The following TRDN variants were observed in gnomAD, a reference collection of about 807,000 sequenced individuals.
TRDN encodes the protein triadin in skeletal muscle.
Under a neutral mutation model 149.7 loss-of-function variants are expected in TRDN, and 161 were observed. The ratio of observed to expected loss-of-function variants is 1.08; its 90% CI spans 0.95 to 1.23. The LOEUF is 1.23. Among genes scored for constraint, TRDN ranks in the 50% most tolerant of loss-of-function variants. TRDN has a pLI of 0.00. For missense variants in TRDN, 896 were observed against 823.5 expected, an observed-to-expected ratio of 1.09 and a Z score of -1.08; for synonymous variants, 294 against 250.5, an observed-to-expected ratio of 1.17 and a Z score of -1.64.
chr6:123,573,394 T>C (rs1156693436), intron 1 of TRDN, among the ~76,000 whole-genome samples: 2 of 152,022 alleles, frequency 1.3e-5, no homozygotes, highest in African/African-American at 2.4e-5. Context: ...ATCACCACTA[T>C]TTTCATTTAT....
chr6:123,254,448 TTG>T (rs1776481755), intron 37 of TRDN, among the ~76,000 whole-genome samples: 2 of 152,008 alleles, frequency 1.3e-5, no homozygotes, highest in Admixed American at 6.6e-5. Context: ...ATGAAAATAG[TTG>T]TCTTAGTTAT....
intron 9 of TRDN, among the ~76,000 whole-genome samples, chr6:123,490,555 C>T (rs752009618): frequency 5.9e-5 from 9 of 152,158 alleles, no homozygotes; most frequent in Non-Finnish European, 1.2e-4. Context: ...GAGGACACGA[C>T]TGTATTCTCA....
At chr6:123,511,930 C>G (rs984821739) in intron 7 of TRDN, among the ~76,000 whole-genome samples, 2 of 152,074 alleles carry the variant, frequency 1.3e-5, no homozygotes, top group African/African-American at 4.8e-5. Context: ...TTACATTGAG[C>G]CCACCTGGAT....
chr6:123,550,808 C>T (rs1247305757), intron 2 of TRDN, among the ~76,000 whole-genome samples: 5 of 151,926 alleles, frequency 3.3e-5, no homozygotes, highest in Non-Finnish European at 5.9e-5. Flanking sequence ...AGCCTGTCTC[C>T]ATGATTCATT....
At chr6:123,220,700 G>A (rs975530335) in intron 40 of TRDN, among the ~76,000 whole-genome samples, 6 of 151,684 alleles carry the variant, frequency 4.0e-5, no homozygotes, top group African/African-American at 1.5e-4. Context: ...ATTGTAAGGG[G>A]CACTTTAGTA....
chr6:123,334,946 C>T (rs1468673333), intron 22 of TRDN, among the ~76,000 whole-genome samples: 1 of 151,916 alleles, frequency 6.6e-6, no homozygotes, highest in South Asian at 2.1e-4. Flanking sequence ...TAGGTAATCT[C>T]TTAGTGGTTT....
At chr6:123,577,728 A>G (rs543508615) in intron 1 of TRDN, among the ~76,000 whole-genome samples, 28 of 152,290 alleles carry the variant, frequency 1.8e-4, no homozygotes, top group Non-Finnish European at 3.8e-4. Context: ...TGCTTTCCAC[A>G]ATAGTTGAAC....
intron 1 of TRDN, among the ~76,000 whole-genome samples, chr6:123,632,316 T>TTTTC (rs1191037827): frequency 6.6e-6 from 1 of 152,032 alleles, no homozygotes; most frequent in African/African-American, 2.4e-5. Context: ...TTGCTTTCTC[T>TTTTC]TTTCTTTCTT....
intron 1 of TRDN, among the ~76,000 whole-genome samples, chr6:123,626,524 T>A (rs1026012069): frequency 6.6e-6 from 1 of 152,120 alleles, no homozygotes; most frequent in African/African-American, 2.4e-5. Flanking sequence ...AGTTTAATCA[T>A]GAGATTACAG....
intron 12 of TRDN, among the ~76,000 whole-genome samples, chr6:123,416,820 G>C (rs573568098): frequency 5.8e-4 from 88 of 151,892 alleles, no homozygotes; most frequent in Non-Finnish European, 1.1e-3. Context: ...TCTCGCCTCA[G>C]TTTCTCAAGT....
intron 24 of TRDN, among the ~76,000 whole-genome samples, chr6:123,290,925 G>A (rs1029464229): frequency 7.2e-5 from 11 of 152,146 alleles, no homozygotes; most frequent in African/African-American, 2.7e-4. Context: ...GGTAGGCTGA[G>A]GCAGGCAGAT....
At chr6:123,489,330 C>T (rs930216087) in intron 9 of TRDN, among the ~76,000 whole-genome samples, 1 of 151,874 alleles carries the variant, frequency 6.6e-6, no homozygotes, top group African/African-American at 2.4e-5. Flanking sequence ...AAACAAAAAA[C>T]ACAAGTGAAG....
chr6:123,265,724 AATT>A (rs1776924595), intron 32 of TRDN, among the ~76,000 whole-genome samples: 2 of 147,520 alleles, frequency 1.4e-5, no homozygotes, highest in South Asian at 2.1e-4. Flanking sequence ...TAATAATATT[AATT>A]ATTAATATTA....
chr6:123,233,510 A>G (rs1775683805), intron 38 of TRDN, among the ~76,000 whole-genome samples: 1 of 152,046 alleles, frequency 6.6e-6, no homozygotes, highest in South Asian at 2.1e-4. Flanking sequence ...GGCTCTCTTG[A>G]GGGCAATGTC....
intron 1 of TRDN, among the ~76,000 whole-genome samples, chr6:123,601,797 T>C (rs1784293190): frequency 6.6e-6 from 1 of 151,964 alleles, no homozygotes; most frequent in African/African-American, 2.4e-5. Flanking sequence ...AACAATATTA[T>C]ATTAATACAT....
intron 19 of TRDN, among the ~76,000 whole-genome samples, chr6:123,366,912 A>C (rs1212340012): frequency 6.6e-6 from 1 of 152,224 alleles, no homozygotes; most frequent in African/African-American, 2.4e-5. Flanking sequence ...AGTCTGCTAA[A>C]AGTTGTTTAA....
rs923980101 is a variant in TRDN at position 123,444,732 on chromosome 6, G to C, written c.932-5729C>G. ...TTTATTGAGAGTTTTTAGCAAGAAGGGTTGTTGAATTTGTCAAAGGCCTTT... is the reference window on the plus strand; with the variant it reads ...TTTATTGAGAGTTTTTAGCAAGAAGCGTTGTTGAATTTGTCAAAGGCCTTT... On this transcript the variant is annotated intron_variant, in intron 10 of 40. Coordinates refer to ENST00000334268, the MANE Select transcript of TRDN (RefSeq NM_006073.4). Among the ~76,000 whole-genome samples, 8 of 152,204 alleles carry C rather than the reference G, an allele frequency of 5.3e-5. 1 individual carries two copies. The highest frequency in any genetic ancestry group is 4.6e-4 in the Admixed American group (7 of 15,290).
intron 16 of TRDN, among the ~76,000 whole-genome samples, chr6:123,378,495 T>A (rs1403239611): frequency 2.9e-5 from 4 of 137,952 alleles, no homozygotes; most frequent in Admixed American, 7.2e-5. Flanking sequence ...TGTGTGTGTG[T>A]GTGTGGAGAC....
intron 26 of TRDN, among the ~76,000 whole-genome samples, chr6:123,276,193 A>T (rs1777361270): frequency 6.6e-6 from 1 of 152,128 alleles, no homozygotes; most frequent in African/African-American, 2.4e-5. Context: ...AATTTTGAGA[A>T]AACACATTCA....
Sources: allele counts gnomAD v4.1 joint callset (sites outside exome capture counted in the v4.1 genomes callset), GRCh38; gene constraint gnomAD v4.1.1; transcripts MANE v1.5; gene names NCBI Gene and HGNC (gene_info 2026-07-23, HGNC 2026-07-21).